NRG3: variants seen among roughly 807,000 people sequenced by gnomAD.
NRG3 encodes the protein neuregulin 3, also known as pro-neuregulin-3, membrane-bound isoform.
In NRG3, 31 loss-of-function variants were observed where a neutral mutation model predicts 66.9. The ratio of observed to expected loss-of-function variants is 0.46; its 90% confidence interval spans 0.35 to 0.63. The LOEUF (loss-of-function observed/expected upper bound fraction) is 0.63. NRG3 is among the 20% of genes least tolerant of loss of function. The pLI is 0.00. For synonymous variants in NRG3, 393 were observed against 359.4 expected, an observed-to-expected ratio of 1.09 and a Z score of -1.06; for missense variants, 910 against 878.9, an observed-to-expected ratio of 1.04 and a Z score of -0.45.
intron 3 of NRG3, among the ~76,000 whole-genome samples, chr10:82,798,320 C>T (rs758550722): frequency 1.3e-5 from 2 of 152,132 alleles, no homozygotes; most frequent in Non-Finnish European, 2.9e-5. Context: ...ACCAGGTTGA[C>T]ATGTATATAA....
chr10:82,408,046 CGAGAGA>C lies in NRG3; in HGVS notation c.953+49211_953+49216del, dbSNP rs536927208. On this transcript the variant is annotated intron_variant, in intron 2 of 8. Transcript: ENST00000372141. ...CCTGTGTGACAGAGCAAGACTACATCGAGAGAGAGAGAGAGAGAGAGAGAGAGAGAG... is the reference window on the plus strand; with the variant it reads ...CCTGTGTGACAGAGCAAGACTACATCGAGAGAGAGAGAGAGAGAGAGAGAG... Among the ~76,000 whole-genome samples the C allele has an allele frequency of 3.1e-3, 171 of 54,400 alleles. 1 individual carries two copies. The highest frequency in any genetic ancestry group is 9.1e-3 in the Middle Eastern group (1 of 110). The allele number at this position is 54,400 out of a possible 152,430, so 35.7% of individuals were successfully genotyped here.
chr10:81,982,741 A>G (rs1487925089), intron 1 of NRG3, among the ~76,000 whole-genome samples: 3 of 152,152 alleles, frequency 2.0e-5, no homozygotes, highest in Non-Finnish European at 4.4e-5. Flanking sequence ...GTAAGTTTGG[A>G]TTAGGGCCCA....
chr10:82,204,206 A>T (rs1331745267), intron 1 of NRG3, among the ~76,000 whole-genome samples: 2 of 152,200 alleles, frequency 1.3e-5, no homozygotes, highest in Non-Finnish European at 2.9e-5. Flanking sequence ...GGATATAAAG[A>T]TATACATTAA....
intron 2 of NRG3, among the ~76,000 whole-genome samples, chr10:82,663,269 G>C (rs1428164786): frequency 6.6e-6 from 1 of 152,220 alleles, no homozygotes; most frequent in Non-Finnish European, 1.5e-5. Flanking sequence ...GTCACAGCTT[G>C]AGTCTAAGCA....
At chr10:82,076,527 G>A (rs1319122655) in intron 1 of NRG3, among the ~76,000 whole-genome samples, 5 of 152,164 alleles carry the variant, frequency 3.3e-5, no homozygotes, top group Admixed American at 6.5e-5. Context: ...TTTCCCCAAT[G>A]TTGGAGGTGG....
chr10:82,503,936 T>G (rs547022329), intron 2 of NRG3, among the ~76,000 whole-genome samples: 1 of 152,278 alleles, frequency 6.6e-6, no homozygotes, highest in Non-Finnish European at 1.5e-5. Context: ...GGACAACAGC[T>G]GTGTATAAGG....
chr10:82,699,964 A>G (rs2055732500), intron 2 of NRG3, among the ~76,000 whole-genome samples: 1 of 152,104 alleles, frequency 6.6e-6, no homozygotes, highest in Non-Finnish European at 1.5e-5. Context: ...ACAAAATAAT[A>G]ATTCAGGAAA....
chr10:82,543,504 TAAAG>T (rs1184386659), intron 2 of NRG3, among the ~76,000 whole-genome samples: 2 of 152,172 alleles, frequency 1.3e-5, no homozygotes, highest in Admixed American at 6.6e-5. Flanking sequence ...CATCTCCTAT[TAAAG>T]AAAACTAAAA....
chr10:82,310,305 A>T (rs895310652), intron 1 of NRG3, among the ~76,000 whole-genome samples: 1 of 152,322 alleles, frequency 6.6e-6, no homozygotes, highest in Non-Finnish European at 1.5e-5. Context: ...GAGGTGAATT[A>T]TGGATTTTTC....
chr10:82,404,291 C>T (rs181458899), intron 2 of NRG3, among the ~76,000 whole-genome samples: 2 of 152,118 alleles, frequency 1.3e-5, no homozygotes, highest in Admixed American at 1.3e-4. Context: ...CAAAGGGTAG[C>T]ACGGTACTGT....
intron 1 of NRG3, among the ~76,000 whole-genome samples, chr10:82,165,111 T>C (rs1381803775): frequency 6.6e-6 from 1 of 152,176 alleles, no homozygotes; most frequent in Non-Finnish European, 1.5e-5. Flanking sequence ...ATTGTATGGA[T>C]GCTACCATTT....
intron 2 of NRG3, among the ~76,000 whole-genome samples, chr10:82,620,916 T>C (rs2049001797): frequency 6.6e-6 from 1 of 152,116 alleles, no homozygotes; most frequent in Non-Finnish European, 1.5e-5. Flanking sequence ...GTCTCTGTGG[T>C]CTACAGATTA....
intron 1 of NRG3, among the ~76,000 whole-genome samples, chr10:82,034,405 G>A (rs1482872753): frequency 2.0e-5 from 3 of 152,134 alleles, no homozygotes; most frequent in Admixed American, 1.3e-4. Flanking sequence ...CTGCAAAAAG[G>A]TAGAGGGTGG....
At chr10:82,066,245 T>A (rs2064454560) in intron 1 of NRG3, among the ~76,000 whole-genome samples, 1 of 151,154 alleles carries the variant, frequency 6.6e-6, no homozygotes, top group South Asian at 2.1e-4. Flanking sequence ...AGTACAAGAA[T>A]GTGTTTATGA....
intron 2 of NRG3, among the ~76,000 whole-genome samples, chr10:82,443,953 G>A (rs908603939): frequency 6.6e-6 from 1 of 151,990 alleles, no homozygotes; most frequent in Non-Finnish European, 1.5e-5. Flanking sequence ...ATAAATACTG[G>A]GAAATAAAAG....
chr10:82,767,431 C>T (rs2059557251), intron 3 of NRG3, among the ~76,000 whole-genome samples: 1 of 152,120 alleles, frequency 6.6e-6, no homozygotes, highest in Non-Finnish European at 1.5e-5. Context: ...ATTCTATGCT[C>T]ACACTACCAG....
At chr10:82,208,611 A>T (rs562772671) in intron 1 of NRG3, among the ~76,000 whole-genome samples, 1 of 152,218 alleles carries the variant, frequency 6.6e-6, no homozygotes, top group African/African-American at 2.4e-5. Context: ...CAGAGTAAAT[A>T]TCAGCAATAG....
chr10:82,576,196 T>G (rs1025773201), intron 2 of NRG3, among the ~76,000 whole-genome samples: 1 of 151,716 alleles, frequency 6.6e-6, no homozygotes, highest in Non-Finnish European at 1.5e-5. Flanking sequence ...AGTCTCTTCT[T>G]TCCTGCCTTC....
intron 1 of NRG3, among the ~76,000 whole-genome samples, chr10:82,051,370 A>C (rs373223924): frequency 1.3e-5 from 2 of 152,182 alleles, no homozygotes; most frequent in East Asian, 1.9e-4. Flanking sequence ...CCTTCACTCT[A>C]ACCAACTTTT....
Sources: allele counts gnomAD v4.1 joint callset (sites outside exome capture counted in the v4.1 genomes callset), GRCh38; gene constraint gnomAD v4.1.1; transcripts MANE v1.5; gene names NCBI Gene and HGNC (gene_info 2026-07-23, HGNC 2026-07-21).